The following NTRK2 variants were observed in gnomAD, a reference collection of about 807,000 sequenced individuals.
NTRK2 encodes the protein neurotrophic receptor tyrosine kinase 2, also known as BDNF/NT-3 growth factors receptor.
A neutral mutation model predicts 94.5 loss-of-function variants in NTRK2; 13 were observed. That is an observed-to-expected ratio of 0.14 (90% CI 0.09 to 0.22). The LOEUF is 0.22. NTRK2 is among the 10% of genes least tolerant of loss of function. The pLI is 1.00. For missense variants in NTRK2, 639 were observed against 1,071.2 expected (o/e 0.60, Z 5.63); for synonymous variants, 372 against 407.4 (o/e 0.91, Z 1.05).
chr9:84,975,793 CACAAT>C (rs139678037), intron 17 of NTRK2, among the ~76,000 whole-genome samples: 29 of 152,052 alleles, frequency 1.9e-4, no homozygotes, highest in African/African-American at 4.8e-4. Flanking sequence ...ATTGTATTCA[CACAAT>C]ACAATACAAT....
intron 12 of NTRK2, among the ~76,000 whole-genome samples, chr9:84,852,445 G>A (rs1489244274): frequency 6.6e-6 from 1 of 152,232 alleles, no homozygotes. Context: ...TCTCACTGGG[G>A]TGGTACTGTA....
intron 13 of NTRK2, among the ~76,000 whole-genome samples, chr9:84,863,335 A>T (rs11140790): frequency 0.012 from 1,785 of 152,286 alleles, 36 homozygotes; most frequent in African/African-American, 0.041. Context: ...TGGGCTAAAA[A>T]TGTTTCCAGA....
At chr9:84,729,107 C>A (rs4877287) in intron 9 of NTRK2, among the ~76,000 whole-genome samples, 1 of 152,016 alleles carries the variant, frequency 6.6e-6, no homozygotes, top group African/African-American at 2.4e-5. Flanking sequence ...GCTCCCAGGG[C>A]CCCCCCACCA....
At position 84,739,329 on chromosome 9, in the gene NTRK2, G is replaced by A. The variant is rs2063476475; in HGVS notation, c.1160-2563G>A. Among the ~76,000 whole-genome samples the A allele has an allele frequency of 2.0e-5, 3 of 152,330 alleles. No homozygotes were observed. In the South Asian group the frequency reaches 6.2e-4, roughly 32 times the overall value. On this transcript the variant is annotated intron_variant, in intron 9 of 18. Transcript: ENST00000277120. ...GCCTCCCAAAGTGTTGGGATTACAG[G>A]TGTGAGTCACCACCCCCGGCCCTGG... is the stretch of plus-strand genomic sequence containing the variant.
intron 15 of NTRK2, among the ~76,000 whole-genome samples, chr9:84,946,313 T>G (rs1018550498): frequency 2.6e-5 from 4 of 152,226 alleles, no homozygotes; most frequent in African/African-American, 9.6e-5. Flanking sequence ...CTCTCTGACC[T>G]CTCTTGCTGT....
In NTRK2 at chr9:84,873,591, A is replaced by T. The variant is rs1022406538; in HGVS notation, c.1633+6160A>T. On this transcript the variant is annotated intron_variant, in intron 14 of 18. Transcript: ENST00000277120. ...ATAAGAAGCTATCAAATAATGCTTT[A>T]AAAAAGCAACTTGAGTTTCTTAAAA... The T allele has an allele frequency of 1.4e-5, 15 of 1,052,780 alleles. No homozygotes were observed. In the African/African-American group the frequency reaches 2.5e-4, roughly 17 times the overall value. The allele number at this position is 1,052,780 out of a possible 1,614,324, so 65.2% of individuals were successfully genotyped here.
In NTRK2 at chr9:84,855,613, G is replaced by A. The variant is rs890604046; in HGVS notation, c.1397-5427G>A. ...TTTTTTTTTTTGTCTACATCTGTTA[G>A]TAGGGATAGGCTCTCTATAATGGTA... On this transcript the variant is annotated intron_variant, in intron 12 of 18. Transcript: ENST00000277120. Among the ~76,000 whole-genome samples the A allele has an allele frequency of 1.2e-3, 175 of 147,596 alleles. 1 individual carries two copies. The highest frequency in any genetic ancestry group is 2.2e-3 in the Admixed American group (33 of 14,848).
chr9:84,815,990 T>TA (rs34917078), intron 12 of NTRK2, among the ~76,000 whole-genome samples: 3,086 of 139,092 alleles, frequency 0.022, 37 homozygotes, highest in Admixed American at 0.038. Context: ...AGGCAATCCT[T>TA]AAAAAAAAAA....
intron 14 of NTRK2, among the ~76,000 whole-genome samples, chr9:84,914,781 A>G (rs1022387501): frequency 6.6e-6 from 1 of 152,152 alleles, no homozygotes; most frequent in African/African-American, 2.4e-5. Flanking sequence ...TTAAGCTCCA[A>G]TTTGGGGACA....
chr9:84,924,540 T>A (rs1374493686), intron 14 of NTRK2, among the ~76,000 whole-genome samples: 2 of 152,180 alleles, frequency 1.3e-5, no homozygotes, highest in African/African-American at 4.8e-5. Context: ...GGCAAATCAA[T>A]CCAATTCTAC....
chr9:84,871,683 T>G, intron 14 of NTRK2: 2 of 915,540 alleles, frequency 2.2e-6, no homozygotes, highest in South Asian at 2.6e-5. Flanking sequence ...TATGAGGGTT[T>G]CATTTACAAA....
intron 18 of NTRK2, among the ~76,000 whole-genome samples, chr9:85,020,760 A>T (rs925157187): frequency 8.6e-5 from 13 of 151,832 alleles, no homozygotes; most frequent in African/African-American, 3.2e-4. Context: ...CTAGTGAAAA[A>T]CTCAAGCATT....
At chr9:84,771,943 T>G (rs1347118706) in intron 12 of NTRK2, among the ~76,000 whole-genome samples, 1 of 152,168 alleles carries the variant, frequency 6.6e-6, no homozygotes, top group East Asian at 1.9e-4. Flanking sequence ...GTATTTTATT[T>G]TTATTGTATT....
At chr9:84,672,889 CT>C (rs2058787353) in intron 2 of NTRK2, among the ~76,000 whole-genome samples, 1 of 152,090 alleles carries the variant, frequency 6.6e-6, no homozygotes. Flanking sequence ...CTATTTTCAG[CT>C]TTTTTAAAGT....
At chr9:84,901,459 C>G (rs1227813731) in intron 14 of NTRK2, among the ~76,000 whole-genome samples, 1 of 151,924 alleles carries the variant, frequency 6.6e-6, no homozygotes, top group Non-Finnish European at 1.5e-5. Context: ...GTCTTGATCT[C>G]CTGACCTCGT....
chr9:84,753,759 A>G (rs1418298716), intron 12 of NTRK2, among the ~76,000 whole-genome samples: 1 of 152,198 alleles, frequency 6.6e-6, no homozygotes, highest in African/African-American at 2.4e-5. Flanking sequence ...CTCTAAACAT[A>G]GATTTCACTG....
At chr9:84,909,699 C>T (rs559629735) in intron 14 of NTRK2, among the ~76,000 whole-genome samples, 44 of 152,214 alleles carry the variant, frequency 2.9e-4, no homozygotes, top group African/African-American at 9.9e-4. Context: ...AACATCTTTT[C>T]ATGTGTTTGT....
At chr9:84,920,368 C>T (rs977569435) in intron 14 of NTRK2, among the ~76,000 whole-genome samples, 31 of 152,082 alleles carry the variant, frequency 2.0e-4, no homozygotes, top group Admixed American at 1.2e-3. Flanking sequence ...GCCTTGTCCA[C>T]GCGGGCGAGA....
At chr9:84,821,841 G>GAA (rs769260452) in intron 12 of NTRK2, among the ~76,000 whole-genome samples, 8 of 150,364 alleles carry the variant, frequency 5.3e-5, no homozygotes, top group African/African-American at 1.7e-4. Context: ...GAGAGAGAGA[G>GAA]AGAGAGAGAG....
Sources: allele counts gnomAD v4.1 joint callset (sites outside exome capture counted in the v4.1 genomes callset), GRCh38; gene constraint gnomAD v4.1.1; transcripts MANE v1.5; gene names NCBI Gene and HGNC (gene_info 2026-07-23, HGNC 2026-07-21).